The following SRBD1 variants were observed in gnomAD, a reference collection of about 807,000 sequenced individuals.
The protein encoded by SRBD1 is S1 RNA binding domain 1.
In SRBD1, 88 loss-of-function variants were observed where a neutral mutation model predicts 115.3. That is an observed-to-expected ratio of 0.76 (90% CI 0.64 to 0.91). The LOEUF (loss-of-function observed/expected upper bound fraction) is 0.91, where lower values mean the gene tolerates loss of function less well. Ranked by LOEUF, SRBD1 falls within the 40% of genes least tolerant of loss-of-function variation. SRBD1 has a pLI of 0.00. For missense variants in SRBD1, 1,385 were observed against 1,177.4 expected (o/e 1.18, Z -2.58); for synonymous variants, 509 against 407.7 (o/e 1.25, Z -2.99).
intron 19 of SRBD1, among the ~76,000 whole-genome samples, chr2:45,409,641 A>G (rs892031501): frequency 1.3e-5 from 2 of 152,148 alleles, no homozygotes; most frequent in African/African-American, 4.8e-5. Context: ...GGAACGTACA[A>G]ATACCTAGTA....
chr2:45,424,555 T>TA (rs1380198979), intron 16 of SRBD1, among the ~76,000 whole-genome samples: 1 of 152,190 alleles, frequency 6.6e-6, no homozygotes, highest in African/African-American at 2.4e-5. Flanking sequence ...ATTTAGGTAT[T>TA]AAAAACCTAT....
intron 6 of SRBD1, 130 bp from the exon 7 acceptor site, chr2:45,580,143 G>T: frequency 1.4e-6 from 1 of 732,142 alleles, no homozygotes; most frequent in Non-Finnish European, 2.0e-6. Flanking sequence ...TCTTCCTTCA[G>T]AGATGAATTA....
At chr2:45,567,593 A>T (rs967822702) in intron 9 of SRBD1, among the ~76,000 whole-genome samples, 3 of 152,016 alleles carry the variant, frequency 2.0e-5, no homozygotes, top group Non-Finnish European at 4.4e-5. Flanking sequence ...TGGGTGAAAG[A>T]GCAAGATACT....
intron 17 of SRBD1, 111 bp from the exon 18 acceptor site, chr2:45,418,652 G>T: frequency 2.2e-4 from 167 of 745,526 alleles, no homozygotes; most frequent in East Asian, 5.4e-4. Flanking sequence ...ATACGGCTAA[G>T]TTAAGTTAAT....
At chr2:45,584,571 C>T (rs1673460359) in intron 5 of SRBD1, among the ~76,000 whole-genome samples, 2 of 152,184 alleles carry the variant, frequency 1.3e-5, no homozygotes, top group Non-Finnish European at 2.9e-5. Flanking sequence ...TTTAAAATGG[C>T]TTCATAGTAG....
chr2:45,559,537 A>G (rs1672593950), intron 10 of SRBD1, among the ~76,000 whole-genome samples: 1 of 152,198 alleles, frequency 6.6e-6, no homozygotes, highest in African/African-American at 2.4e-5. Context: ...ATCATGGATA[A>G]GCAGTATATC....
chr2:45,562,600 A>G, intron 10 of SRBD1, 53 bp downstream of exon 10: 1 of 1,352,030 alleles, frequency 7.4e-7, no homozygotes, highest in Non-Finnish European at 1.0e-6. Flanking sequence ...AGATATCGGT[A>G]TCATATTTTA....
chr2:45,499,998 G>C (rs969420711), intron 14 of SRBD1, among the ~76,000 whole-genome samples: 6 of 151,506 alleles, frequency 4.0e-5, no homozygotes, highest in Admixed American at 2.0e-4. Flanking sequence ...TGTTTCATTT[G>C]AATTTTTAGT....
intron 14 of SRBD1, among the ~76,000 whole-genome samples, chr2:45,491,179 A>G (rs1427072031): frequency 1.3e-5 from 2 of 152,142 alleles, no homozygotes; most frequent in Non-Finnish European, 2.9e-5. Flanking sequence ...CCAAAAGTAC[A>G]CTAAATTTAC....
At chr2:45,423,189 A>C (rs1668056817) in intron 16 of SRBD1, among the ~76,000 whole-genome samples, 1 of 151,952 alleles carries the variant, frequency 6.6e-6, no homozygotes, top group Admixed American at 6.5e-5. Context: ...CTTCAAACTT[A>C]AAAAACAAAA....
Position 45,423,674 on chromosome 2 carries a change from A to G in SRBD1, c.2050-3780T>C, listed in dbSNP as rs533104494. 5.3e-5 allele frequency among the ~76,000 whole-genome samples: 8 copies of G among 152,244 alleles called. No individual in the cohort carries two copies. The East Asian group carries it at 1.3e-3, about 26-fold the overall frequency. ...CTTTAAAAAAACAGAAGAGGAGCCA[A>G]TACTTCTTACCTATTCTATGAGGCC... On this transcript the variant is annotated intron_variant, in intron 16 of 20. Transcript: ENST00000263736.
intron 15 of SRBD1, among the ~76,000 whole-genome samples, chr2:45,482,160 C>A (rs557689917): frequency 6.6e-6 from 1 of 151,914 alleles, no homozygotes; most frequent in Non-Finnish European, 1.5e-5. Context: ...GTAGTATGTC[C>A]AAATGTATGC....
rs149341943 is a variant in SRBD1 at position 45,524,296 on chromosome 2, G to C, written c.1874+22436C>G. Among the ~76,000 whole-genome samples, 142 of 152,140 alleles carry C rather than the reference G, an allele frequency of 9.3e-4. 1 individual carries two copies. Among genetic ancestry groups the C allele is most frequent in the Middle Eastern group, 6.8e-3 (2 of 294 alleles). ...ATTCAACACTGCATTGAAGCTTCTA[G>C]CTATGGTAATTAGGCAAGAAAAAGA... On this transcript the variant is annotated intron_variant, in intron 14 of 20. Transcript: ENST00000263736.
At chr2:45,410,011 A>C (rs899102321) in intron 19 of SRBD1, among the ~76,000 whole-genome samples, 4 of 152,226 alleles carry the variant, frequency 2.6e-5, no homozygotes, top group Non-Finnish European at 4.4e-5. Flanking sequence ...TTGACAAAGT[A>C]CATTTTTATA....
At chr2:45,427,592 G>A (rs752414547) in intron 16 of SRBD1, among the ~76,000 whole-genome samples, 2 of 152,050 alleles carry the variant, frequency 1.3e-5, no homozygotes, top group Non-Finnish European at 1.5e-5. Flanking sequence ...TAAATAGAGG[G>A]ACTCCTCCCT....
At chr2:45,425,436 T>C (rs1240000365) in intron 16 of SRBD1, among the ~76,000 whole-genome samples, 1 of 152,116 alleles carries the variant, frequency 6.6e-6, no homozygotes, top group African/African-American at 2.4e-5. Context: ...AATATCCACA[T>C]AGAGGTGACT....
intron 5 of SRBD1, among the ~76,000 whole-genome samples, chr2:45,584,681 G>A (rs1034238695): frequency 1.3e-5 from 2 of 152,198 alleles, no homozygotes; most frequent in African/African-American, 4.8e-5. Flanking sequence ...CATAAGCAGT[G>A]AAGTGTTTTA....
At chr2:45,521,597 T>C (rs539062281) in intron 14 of SRBD1, among the ~76,000 whole-genome samples, 35 of 152,234 alleles carry the variant, frequency 2.3e-4, no homozygotes, top group African/African-American at 7.7e-4. Context: ...CAAGATTTGA[T>C]AGTTCTCAAA....
intron 20 of SRBD1, among the ~76,000 whole-genome samples, chr2:45,391,031 A>G (rs1428493691): frequency 6.6e-6 from 1 of 152,210 alleles, no homozygotes; most frequent in African/African-American, 2.4e-5. Context: ...CGGGTCTCCG[A>G]GACCCCATAG....
Sources: gnomAD v4.1 joint callset for allele counts (sites outside exome capture counted in the v4.1 genomes callset) on GRCh38, gnomAD v4.1.1 for gene constraint, MANE v1.5 for transcripts, NCBI Gene and HGNC (gene_info 2026-07-23, HGNC 2026-07-21) for gene names.